The following LRRTM4 variants were observed in gnomAD, a reference collection of about 807,000 sequenced individuals.
The protein encoded by LRRTM4 is leucine rich repeat transmembrane neuronal 4.
Under a neutral mutation model 47.6 loss-of-function variants are expected in LRRTM4, and 25 were observed. That is an observed-to-expected ratio of 0.53 (90% CI 0.38 to 0.73). LRRTM4 has a LOEUF of 0.73. Among genes scored for constraint, LRRTM4 ranks in the 30% least tolerant of loss-of-function variants. The pLI is 0.00. For missense variants in LRRTM4, 638 were observed against 713.4 expected (o/e 0.89, Z 1.20); for synonymous variants, 311 against 269.5 (o/e 1.15, Z -1.51).
At chr2:77,389,900 G>A (rs1431812408) in intron 3 of LRRTM4, among the ~76,000 whole-genome samples, 2 of 152,012 alleles carry the variant, frequency 1.3e-5, no homozygotes, top group Non-Finnish European at 2.9e-5. Flanking sequence ...AGCATTTATG[G>A]AAATTGTACC....
At chr2:77,517,262 A>C in intron 3 of LRRTM4, 1 of 983,716 alleles carries the variant, frequency 1.0e-6, no homozygotes, top group Non-Finnish European at 1.2e-6. Flanking sequence ...ATTTATTCTT[A>C]TAAAAACAAA....
chr2:76,776,620 G>T (rs1422850467), intron 3 of LRRTM4, among the ~76,000 whole-genome samples: 1 of 151,692 alleles, frequency 6.6e-6, no homozygotes, highest in Non-Finnish European at 1.5e-5. Context: ...TTTTTTTCTT[G>T]TAAATTTGTT....
At chr2:77,343,306 A>C (rs1671442611) in intron 3 of LRRTM4, among the ~76,000 whole-genome samples, 1 of 151,998 alleles carries the variant, frequency 6.6e-6, no homozygotes, top group Non-Finnish European at 1.5e-5. Context: ...TTGTCATAAA[A>C]TAGATTTTTC....
intron 3 of LRRTM4, among the ~76,000 whole-genome samples, chr2:77,340,541 C>T (rs1379785162): frequency 6.6e-6 from 1 of 151,884 alleles, no homozygotes; most frequent in Non-Finnish European, 1.5e-5. Flanking sequence ...CACAATAAAA[C>T]TCATAAATGG....
At chr2:77,029,060 T>A (rs946978275) in intron 3 of LRRTM4, among the ~76,000 whole-genome samples, 1 of 145,052 alleles carries the variant, frequency 6.9e-6, no homozygotes, top group South Asian at 2.3e-4. Context: ...CAAATATATA[T>A]ATATATATAT....
intron 3 of LRRTM4, among the ~76,000 whole-genome samples, chr2:76,921,825 G>T (rs1674441928): frequency 6.6e-6 from 1 of 152,006 alleles, no homozygotes; most frequent in Non-Finnish European, 1.5e-5. Context: ...ACAAGCATTA[G>T]AATCAGCCAT....
Position 77,453,176 on chromosome 2 carries a change from ATT to A in LRRTM4, c.1551+65140_1551+65141del, listed in dbSNP as rs1162461607. Among the ~76,000 whole-genome samples the A allele has an allele frequency of 9.1e-3, 905 of 99,450 alleles. 5 individuals are homozygous for A. Among genetic ancestry groups the A allele is most frequent in the African/African-American group, 0.032 (834 of 25,980 alleles). 65.2% of individuals were successfully genotyped at this position (99,450 alleles called of 152,430 possible). A position where few individuals can be genotyped will look rare whatever the true frequency, so the allele number is the denominator to read the frequency against. Reference sequence around the variant, plus strand: ...TTTTGATTTTATCTGTTTCTTCTTGATTTTTTTTTTTTTTTTTTTTTTTGAGA... The same window carrying A: ...TTTTGATTTTATCTGTTTCTTCTTGATTTTTTTTTTTTTTTTTTTTTGAGA... On this transcript the variant is annotated intron_variant, in intron 3 of 3. Coordinates refer to ENST00000409884, the MANE Select transcript of LRRTM4 (RefSeq NM_001134745.3).
intron 3 of LRRTM4, among the ~76,000 whole-genome samples, chr2:76,928,821 TAAGCA>T (rs571912667): frequency 1.8e-4 from 27 of 152,264 alleles, no homozygotes; most frequent in East Asian, 1.7e-3. Flanking sequence ...GAAAAAAAAT[TAAGCA>T]AAGCAAAGAA....
At chr2:77,403,985 T>A (rs536026955) in intron 3 of LRRTM4, among the ~76,000 whole-genome samples, 2 of 152,086 alleles carry the variant, frequency 1.3e-5, no homozygotes, top group East Asian at 3.9e-4. Context: ...AAATTTTAAA[T>A]GTCTCATAAA....
chr2:77,522,032 A>C, intron 1 of LRRTM4, 77 bp downstream of exon 1: 1 of 708,700 alleles, frequency 1.4e-6, no homozygotes, highest in Non-Finnish European at 2.6e-6. Flanking sequence ...CAATCTGTGC[A>C]AAAGAGCTAC....
chr2:77,306,181 A>T (rs894441128), intron 3 of LRRTM4, among the ~76,000 whole-genome samples: 1 of 152,220 alleles, frequency 6.6e-6, no homozygotes, highest in African/African-American at 2.4e-5. Context: ...AAACTATCTT[A>T]AGTGGAATTA....
At chr2:76,992,768 A>C (rs1045220754) in intron 3 of LRRTM4, among the ~76,000 whole-genome samples, 1 of 151,662 alleles carries the variant, frequency 6.6e-6, no homozygotes, top group Non-Finnish European at 1.5e-5. Flanking sequence ...GAATTAGAAA[A>C]AACTATTCTA....
chr2:77,353,445 T>C (rs1474698991), intron 3 of LRRTM4, among the ~76,000 whole-genome samples: 1 of 152,130 alleles, frequency 6.6e-6, no homozygotes, highest in African/African-American at 2.4e-5. Context: ...TTCTATTGTA[T>C]GGCTAACTCA....
chr2:76,784,284 C>T (rs1674557102), intron 3 of LRRTM4, among the ~76,000 whole-genome samples: 2 of 151,812 alleles, frequency 1.3e-5, no homozygotes, highest in South Asian at 4.2e-4. Context: ...CTTTATAATC[C>T]TATGCATACT....
rs533264277 is a variant in LRRTM4, at chr2:77,121,388, A to T, written c.1552-372472T>A. On this transcript the variant is annotated intron_variant, in intron 3 of 3. Coordinates refer to ENST00000409884, the MANE Select transcript of LRRTM4 (RefSeq NM_001134745.3). ...TAAATTACCTCTTCCCAAACAAAGG[A>T]TAAATAGTGTTGCACTTCTCATTTT... Among the ~76,000 whole-genome samples the T allele has an allele frequency of 8.6e-5, 13 of 151,966 alleles. No individual in the cohort carries two copies. In the South Asian group the frequency reaches 2.5e-3, roughly 29 times the overall value.
At chr2:77,333,148 T>G (rs1671032127) in intron 3 of LRRTM4, among the ~76,000 whole-genome samples, 1 of 152,222 alleles carries the variant, frequency 6.6e-6, no homozygotes, top group Non-Finnish European at 1.5e-5. Flanking sequence ...CCCAGCCATG[T>G]GGAACTGTAA....
intron 3 of LRRTM4, among the ~76,000 whole-genome samples, chr2:76,827,942 AAAT>A (rs1369286396): frequency 6.6e-6 from 1 of 151,660 alleles, no homozygotes; most frequent in Non-Finnish European, 1.5e-5. Context: ...AGATGAAATG[AAAT>A]AATAATTTTC....
chr2:77,478,421 C>T (rs1163240745), intron 3 of LRRTM4, among the ~76,000 whole-genome samples: 2 of 152,186 alleles, frequency 1.3e-5, no homozygotes, highest in African/African-American at 4.8e-5. Context: ...CTTCTTTTTA[C>T]AATCCTCATA....
chr2:77,102,162 C>T (rs982700715), intron 3 of LRRTM4, among the ~76,000 whole-genome samples: 1 of 152,206 alleles, frequency 6.6e-6, no homozygotes, highest in East Asian at 1.9e-4. Context: ...GAATACTAAT[C>T]AGACTGCAGA....
Sources: allele counts gnomAD v4.1 joint callset (sites outside exome capture counted in the v4.1 genomes callset), GRCh38; gene constraint gnomAD v4.1.1; transcripts MANE v1.5; gene names NCBI Gene and HGNC (gene_info 2026-07-23, HGNC 2026-07-21).